The following CD36 variants were observed in gnomAD, a reference collection of about 807,000 sequenced individuals.
CD36 encodes CD36 molecule (CD36 blood group).
Under a neutral mutation model 55.2 loss-of-function variants are expected in CD36, and 119 were observed. The observed-to-expected ratio is 2.15, with a 90% CI of 1.86 to 2.51. CD36 has a LOEUF of 2.51. CD36 is among the 30% of genes most tolerant of loss of function. CD36 has a pLI of 0.00. For missense variants in CD36, 819 were observed against 555.5 expected, an observed-to-expected ratio of 1.47 and a Z score of -4.77; for synonymous variants, 186 against 193.6, an observed-to-expected ratio of 0.96 and a Z score of 0.33.
intron 1 of CD36, among the ~76,000 whole-genome samples, chr7:80,642,118 GTCT>G (rs1655601547): frequency 6.6e-6 from 1 of 151,964 alleles, no homozygotes. Context: ...ATTAAAACAC[GTCT>G]TCTTATTTTC....
In CD36 at chr7:80,676,391, T is replaced by A. The variant is rs1798166021; in HGVS notation, c.*8T>A. 1 of 152,128 alleles carries A rather than the reference T, an allele frequency of 6.6e-6. No individual in the cohort carries two copies. Among genetic ancestry groups the A allele is most frequent in the Non-Finnish European group, 1.5e-5 (1 of 68,026 alleles). 9.4% of individuals were successfully genotyped at this position (152,128 alleles called of 1,614,324 possible). A position where few individuals can be genotyped will look rare whatever the true frequency, so the allele number is the denominator to read the frequency against. On this transcript the variant is annotated 3_prime_UTR_variant, in exon 15 of 15. Coordinates refer to ENST00000447544, the MANE Select transcript of CD36 (RefSeq NM_001001548.3). ...TGATTTCCGTTTCTACAGACCTGGC[T>A]CAAGCACAAACCAATTTGTGTTGTT...
intron 1 of CD36, among the ~76,000 whole-genome samples, chr7:80,606,479 G>A (rs1562765693): frequency 6.6e-6 from 1 of 152,160 alleles, no homozygotes; most frequent in African/African-American, 2.4e-5. Flanking sequence ...TGCTGAGAAT[G>A]TCTCAGTGAA....
At chr7:80,642,563 A>C (rs1794892793) in intron 1 of CD36, among the ~76,000 whole-genome samples, 1 of 152,144 alleles carries the variant, frequency 6.6e-6, no homozygotes, top group Non-Finnish European at 1.5e-5. Context: ...GAATAAAACT[A>C]ATTATAATTT....
intron 3 of CD36, among the ~76,000 whole-genome samples, chr7:80,654,679 T>G (rs1795900981): frequency 6.6e-6 from 1 of 152,102 alleles, no homozygotes; most frequent in Non-Finnish European, 1.5e-5. Flanking sequence ...TAAAAAGTAA[T>G]AAAGATTCCA....
Position 80,646,706 on chromosome 7 carries a change from G to A in CD36, c.-35G>A, listed in dbSNP as rs1190023547. On this transcript the variant is annotated 5_prime_UTR_variant, in exon 3 of 15. In the 5' UTR this introduces an upstream ATG that the reference lacks. Coordinates refer to ENST00000447544, the MANE Select transcript of CD36 (RefSeq NM_001001548.3). ...ATATCCAGGAGTTTGCAAGAAACAG[G>A]TGCTTAACACTAATTCACCTCCTGA... 6 of 1,613,490 alleles carry A rather than the reference G, an allele frequency of 3.7e-6. No individual in the cohort carries two copies. Among genetic ancestry groups the A allele is most frequent in the Non-Finnish European group, 4.2e-6 (5 of 1,179,618 alleles).
rs1797475227 is a variant in CD36, at chr7:80,669,833, A to G, written c.749-120A>G. On this transcript the variant is annotated intron_variant, in intron 8 of 14. Coordinates refer to ENST00000447544, the MANE Select transcript of CD36 (RefSeq NM_001001548.3). ...TTTACCTTTTAAAAATGTGGCTGCT[A>G]GATAAATTACTTAGGCAGTTTGCAT... 6.5e-6 allele frequency: 5 copies of G among 774,040 alleles called. No homozygotes were observed. The South Asian group carries it at 6.9e-5, about 11-fold the overall frequency. The allele number at this position is 774,040 out of a possible 1,614,324, so 47.9% of individuals were successfully genotyped here.
At chr7:80,640,135 C>A (rs189817294) in intron 1 of CD36, among the ~76,000 whole-genome samples, 7 of 152,104 alleles carry the variant, frequency 4.6e-5, no homozygotes, top group African/African-American at 1.7e-4. Flanking sequence ...ATCCTTGCAT[C>A]TAATCAGAAG....
chr7:80,613,470 T>C (rs1370145568), intron 1 of CD36, among the ~76,000 whole-genome samples: 1 of 152,160 alleles, frequency 6.6e-6, no homozygotes, highest in African/African-American at 2.4e-5. Context: ...CCAAGAAAGA[T>C]ATTCATTCTT....
intron 1 of CD36, among the ~76,000 whole-genome samples, chr7:80,632,882 AT>A (rs1794166856): frequency 6.6e-6 from 1 of 151,940 alleles, no homozygotes; most frequent in Non-Finnish European, 1.5e-5. Context: ...GGTACCCTTA[AT>A]GACAATGAAT....
chr7:80,620,378 G>C (rs1229066736), intron 1 of CD36, among the ~76,000 whole-genome samples: 1 of 152,118 alleles, frequency 6.6e-6, no homozygotes, highest in Non-Finnish European at 1.5e-5. Context: ...CCCCCTCTTT[G>C]GGTTTGATTA....
At chr7:80,638,826 T>C (rs1383108867) in intron 1 of CD36, 80 bp downstream of exon 1, 6 of 151,500 alleles carry the variant, frequency 4.0e-5, no homozygotes, top group Admixed American at 2.6e-4. Context: ...GTGACACTAC[T>C]GTATAAATAC....
rs3212018 is a variant in CD36, at chr7:80,674,384, AGCACAAATAAAGCACT to A, written c.*238_*253del. 58,260 of 454,058 alleles carry A rather than the reference AGCACAAATAAAGCACT, an allele frequency of 0.13. 4,110 individuals are homozygous for A. Among genetic ancestry groups the A allele is most frequent in the Non-Finnish European group, 0.14 (35,752 of 251,460 alleles). 28.1% of individuals were successfully genotyped at this position (454,058 alleles called of 1,614,324 possible). A position where few individuals can be genotyped will look rare whatever the true frequency, so the allele number is the denominator to read the frequency against. On this transcript the variant is annotated intron_variant, in intron 14 of 14. Coordinates refer to ENST00000447544, the MANE Select transcript of CD36 (RefSeq NM_001001548.3). ...ATGTACTTGTGACCATTGTAACAAT[AGCACAAATAAAGCACT>A]TGTGCCAAAGTTGTCCAAAATTGAC...
intron 1 of CD36, among the ~76,000 whole-genome samples, chr7:80,612,864 C>A (rs1792949813): frequency 6.6e-6 from 1 of 152,058 alleles, no homozygotes; most frequent in Admixed American, 6.5e-5. Context: ...CACTTTATAT[C>A]CACTAAGCAT....
chr7:80,640,579 A>G (rs748954840), intron 1 of CD36, among the ~76,000 whole-genome samples: 4 of 152,030 alleles, frequency 2.6e-5, no homozygotes, highest in Non-Finnish European at 5.9e-5. Context: ...CATTTTTGGC[A>G]TTACAAACTT....
intron 4 of CD36, 103 bp from the exon 5 acceptor site, chr7:80,660,960 A>G: frequency 3.4e-6 from 3 of 875,734 alleles, no homozygotes. Context: ...TCTATCTGGC[A>G]TATTCTGTGT....
intron 11 of CD36, among the ~76,000 whole-genome samples, 157 bp from the exon 12 acceptor site, chr7:80,672,613 T>TATATAA (rs1484753433): frequency 7.1e-4 from 108 of 151,832 alleles, no homozygotes; most frequent in Middle Eastern, 3.4e-3. Flanking sequence ...GATGCATGTG[T>TATATAA]ATATAACTAT....
intron 1 of CD36, among the ~76,000 whole-genome samples, chr7:80,625,496 A>G (rs1252745424): frequency 6.6e-6 from 1 of 152,150 alleles, no homozygotes; most frequent in South Asian, 2.1e-4. Context: ...GTTTATAGAT[A>G]TGAAATGCTA....
intron 13 of CD36, 117 bp from the exon 14 acceptor site, chr7:80,673,866 T>G: frequency 2.6e-6 from 2 of 775,732 alleles, no homozygotes; most frequent in Non-Finnish European, 4.5e-6. Flanking sequence ...ACTTGCCTTA[T>G]AGATACTGAT....
chr7:80,616,821 TG>T (rs1206205955), intron 1 of CD36, among the ~76,000 whole-genome samples: 1 of 152,134 alleles, frequency 6.6e-6, no homozygotes, highest in African/African-American at 2.4e-5. Context: ...CTACGGCGAT[TG>T]TAAGGATCAT....
Sources: gnomAD v4.1 joint callset for allele counts (sites outside exome capture counted in the v4.1 genomes callset) on GRCh38, gnomAD v4.1.1 for gene constraint, MANE v1.5 for transcripts, NCBI Gene and HGNC (gene_info 2026-07-23, HGNC 2026-07-21) for gene names.